Variants in RIOK2 observed in about 807,000 individuals in gnomAD.
The protein encoded by RIOK2 is RIO kinase 2.
A neutral mutation model predicts 62.4 loss-of-function variants in RIOK2; 46 were observed. The ratio of observed to expected loss-of-function variants is 0.74; its 90% CI spans 0.58 to 0.94. The LOEUF is 0.94. Among genes scored for constraint, RIOK2 ranks in the 40% least tolerant of loss-of-function variants. The probability of loss-of-function intolerance (pLI) is 0.00; values close to 1 mark genes in which losing one functional copy is unlikely to be tolerated. For missense variants in RIOK2, 574 were observed against 658.0 expected (o/e 0.87, Z 1.40); for synonymous variants, 197 against 216.0 (o/e 0.91, Z 0.77).
At chr5:97,173,075 C>A in intron 5 of RIOK2, 100 bp downstream of exon 5, 1 of 742,534 alleles carries the variant, frequency 1.3e-6, no homozygotes, top group South Asian at 2.0e-5. Context: ...TTTAACCTCC[C>A]AGAGGCAATA....
chr5:97,173,974 C>T (rs185461496), intron 4 of RIOK2, among the ~76,000 whole-genome samples: 108 of 152,264 alleles, frequency 7.1e-4, no homozygotes, highest in African/African-American at 2.5e-3. Context: ...TTAGGAATGG[C>T]AAAAACTGCA....
chr5:97,163,554 T>A (rs1178808264), intron 9 of RIOK2, among the ~76,000 whole-genome samples: 1 of 152,200 alleles, frequency 6.6e-6, no homozygotes, highest in East Asian at 1.9e-4. Context: ...AGATTTTGTA[T>A]AGAAAATTAT....
intron 1 of RIOK2, among the ~76,000 whole-genome samples, chr5:97,182,437 G>A (rs1017824348): frequency 2.0e-5 from 3 of 152,060 alleles, no homozygotes; most frequent in East Asian, 1.9e-4. Context: ...ACTTCACTGG[G>A]CTGTCTCTTT....
chr5:97,173,109 A>G, intron 5 of RIOK2, 66 bp downstream of exon 5: 1 of 1,202,144 alleles, frequency 8.3e-7, no homozygotes, highest in Non-Finnish European at 1.2e-6. Flanking sequence ...AAAAAATTTT[A>G]TTAAAAACCC....
intron 6 of RIOK2, among the ~76,000 whole-genome samples, chr5:97,170,680 A>C (rs530964132): frequency 6.6e-6 from 1 of 152,378 alleles, no homozygotes; most frequent in South Asian, 2.1e-4. Flanking sequence ...ACAACAGAGA[A>C]ATTCAAATTC....
At chr5:97,164,298 C>T (rs770705209) in intron 9 of RIOK2, among the ~76,000 whole-genome samples, 17 of 151,968 alleles carry the variant, frequency 1.1e-4, no homozygotes, top group Non-Finnish European at 2.1e-4. Flanking sequence ...GTCAGGAGTT[C>T]GAGACCAGCC....
chr5:97,177,049 A>T (rs894987086), intron 4 of RIOK2, 67 bp downstream of exon 4: 2 of 1,332,400 alleles, frequency 1.5e-6, no homozygotes, highest in African/African-American at 2.9e-5. Context: ...CACACTTGTC[A>T]TTAAGGCCTT....
In RIOK2 at chr5:97,177,101, A is replaced by T; in HGVS notation, c.498+15T>A. On this transcript the variant is annotated intron_variant, in intron 4 of 9. Coordinates refer to ENST00000283109, the MANE Select transcript of RIOK2 (RefSeq NM_018343.3). ...TTTGGCTAAAAAATGCATGACTACA[A>T]AATAAAATAAATACCTTCATATAGG... The T allele has an allele frequency of 6.2e-7, 1 of 1,602,372 alleles. No individual in the cohort carries two copies. Among genetic ancestry groups the T allele is most frequent in the Non-Finnish European group, 8.5e-7 (1 of 1,175,848 alleles).
At chr5:97,181,790 CAG>C (rs2112851209) in intron 1 of RIOK2, among the ~76,000 whole-genome samples, 1 of 152,268 alleles carries the variant, frequency 6.6e-6, no homozygotes, top group Admixed American at 6.5e-5. Flanking sequence ...CTACTTCTGT[CAG>C]AGACACTAAG....
At chr5:97,163,746 G>C (rs1404143600) in intron 9 of RIOK2, among the ~76,000 whole-genome samples, 1 of 152,150 alleles carries the variant, frequency 6.6e-6, no homozygotes, top group Non-Finnish European at 1.5e-5. Context: ...AGATGAATAA[G>C]AAATGTGAAA....
At chr5:97,169,017 T>C (rs1243348685) in intron 6 of RIOK2, among the ~76,000 whole-genome samples, 165 bp from the exon 7 acceptor site, 1 of 152,220 alleles carries the variant, frequency 6.6e-6, no homozygotes, top group Admixed American at 6.5e-5. Flanking sequence ...ACCAGTGTGT[T>C]TGAAAAACTA....
In RIOK2 at chr5:97,167,961, A is replaced by G. The variant is rs1748893142; in HGVS notation, c.903T>C (p.Ser301=). Residue 301 remains serine (S), a synonymous_variant, in exon 8 of 10, where the codon TCT becomes TCC. Transcript: ENST00000283109. ...GCATTTCCTTTGTGTAGCCACTGGC[A>G]GAAACCTCCACATCAAGAGTGTCTT... ...RREDTLDVEV[S]ASGYTKEMQA... 1.2e-6 allele frequency: 2 copies of G among 1,603,826 alleles called. No individual in the cohort carries two copies. Among genetic ancestry groups the G allele is most frequent in the Admixed American group, 3.3e-5 (2 of 59,932 alleles).
intron 4 of RIOK2, among the ~76,000 whole-genome samples, chr5:97,176,706 C>A (rs2112841134): frequency 6.6e-6 from 1 of 152,214 alleles, no homozygotes; most frequent in South Asian, 2.1e-4. Flanking sequence ...AAAAAACTAG[C>A]CAACTTATCT....
In RIOK2 at chr5:97,162,198, A is replaced by G. The variant is rs766157631; in HGVS notation, c.*863T>C. The G allele has an allele frequency of 2.6e-5, 4 of 152,156 alleles. No homozygotes were observed. The highest frequency in any genetic ancestry group is 4.4e-5 in the Non-Finnish European group (3 of 68,036). 9.4% of individuals were successfully genotyped at this position (152,156 alleles called of 1,614,324 possible). A position where few individuals can be genotyped will look rare whatever the true frequency, so the allele number is the denominator to read the frequency against. On this transcript the variant is annotated 3_prime_UTR_variant, in exon 10 of 10. Transcript: ENST00000283109. ...ATCCCCTTTTCCGACTTATGCGGCA[A>G]TGAAGAGACAATAATCAGGTGCATA... is the stretch of plus-strand genomic sequence containing the variant.
rs923188522 is a variant in RIOK2 at position 97,181,202 on chromosome 5, G to A, written c.66+1924C>T. ...CAGGAGAATCGCTTGAACCCAGAAG[G>A]TGAAGGTTGCAGTGAGCTGAGATTG... On this transcript the variant is annotated intron_variant, in intron 1 of 9. Transcript: ENST00000283109. Among the ~76,000 whole-genome samples the A allele has an allele frequency of 4.0e-5, 6 of 150,942 alleles. No individual in the cohort carries two copies. In the East Asian group the frequency reaches 1.2e-3, roughly 29 times the overall value.
intron 9 of RIOK2, 125 bp downstream of exon 9, chr5:97,164,926 C>T: frequency 2.1e-6 from 1 of 467,320 alleles, no homozygotes; most frequent in Middle Eastern, 4.3e-4. Context: ...GGTTTCAAGA[C>T]AAGTCAAAAA....
intron 4 of RIOK2, 61 bp downstream of exon 4, chr5:97,177,055 G>T: frequency 7.3e-7 from 1 of 1,370,034 alleles, no homozygotes; most frequent in Non-Finnish European, 1.0e-6. Context: ...TGTCATTAAG[G>T]CCTTTGAGAC....
chr5:97,172,213 T>C (rs1749029100), intron 5 of RIOK2, among the ~76,000 whole-genome samples: 1 of 152,218 alleles, frequency 6.6e-6, no homozygotes, highest in East Asian at 1.9e-4. Context: ...ACATATACAC[T>C]GATTTTAATG....
chr5:97,176,338 A>G (rs983854335), intron 4 of RIOK2, among the ~76,000 whole-genome samples: 5 of 151,944 alleles, frequency 3.3e-5, no homozygotes, highest in African/African-American at 1.2e-4. Flanking sequence ...AAAACTAAAG[A>G]TTTTTACCAT....
Sources: allele counts gnomAD v4.1 joint callset (sites outside exome capture counted in the v4.1 genomes callset), GRCh38; gene constraint gnomAD v4.1.1; transcripts MANE v1.5; gene names NCBI Gene and HGNC (gene_info 2026-07-23, HGNC 2026-07-21).